Variants in RGS12 observed in about 807,000 individuals in gnomAD.
RGS12 encodes the protein regulator of G-protein signaling 12.
A neutral mutation model predicts 120.1 loss-of-function variants in RGS12; 66 were observed. That is an observed-to-expected ratio of 0.55 (90% CI 0.45 to 0.67). The LOEUF is 0.67. Ranked by LOEUF, RGS12 falls within the 30% of genes least tolerant of loss-of-function variation. RGS12 has a pLI of 0.00. For synonymous variants in RGS12, 827 were observed against 804.7 expected (o/e 1.03, Z -0.47); for missense variants, 1,859 against 1,957.7 (o/e 0.95, Z 0.95).
At chr4:3,333,139 C>T (rs1052145533) in intron 2 of RGS12, among the ~76,000 whole-genome samples, 36 of 152,090 alleles carry the variant, frequency 2.4e-4, no homozygotes, top group African/African-American at 8.2e-4. Flanking sequence ...GGCTCCGTCC[C>T]CCAGGGTTCA....
At chr4:3,362,929 A>ACTAGCAGTT (rs1715854642) in intron 3 of RGS12, among the ~76,000 whole-genome samples, 1 of 130,970 alleles carries the variant, frequency 7.6e-6, no homozygotes, top group African/African-American at 3.0e-5. Context: ...GCCATTTGGA[A>ACTAGCAGTT]CGCGAAGGGG....
Position 3,414,019 on chromosome 4 carries a change from C to G in RGS12, c.2021-53C>G, listed in dbSNP as rs962991450. On this transcript the variant is annotated intron_variant, in intron 4 of 17. Transcript: ENST00000336727. ...CTCCTGTGGGCGGGCAGAGCAGTCA[C>G]TGGGCCGGGGCGGAGGGCAGGGGTG... 6.1e-6 allele frequency: 9 copies of G among 1,476,390 alleles called. No homozygotes were observed. The East Asian group carries it at 2.2e-4, about 36-fold the overall frequency. The allele number at this position is 1,476,390 out of a possible 1,614,324, so 91.5% of individuals were successfully genotyped here.
upstream of RGS12, among the ~76,000 whole-genome samples, chr4:3,289,915 G>C (rs550656195): frequency 1.4e-4 from 21 of 152,198 alleles, no homozygotes; most frequent in Non-Finnish European, 2.5e-4. Flanking sequence ...GGCAATATTT[G>C]TCTTTCTGTG....
chr4:3,343,512 C>A (rs1035098286), intron 3 of RGS12, among the ~76,000 whole-genome samples: 1 of 151,812 alleles, frequency 6.6e-6, no homozygotes, highest in African/African-American at 2.4e-5. Context: ...TCCCTTATGC[C>A]CCCACCCACT....
At chr4:3,411,338 G>A (rs922383726) in intron 4 of RGS12, among the ~76,000 whole-genome samples, 4 of 152,188 alleles carry the variant, frequency 2.6e-5, no homozygotes, top group Admixed American at 6.5e-5. Context: ...GTGTGTTCTC[G>A]TGTTAGGCCT....
chr4:3,386,309 G>C, intron 3 of RGS12, 107 bp from the exon 4 acceptor site: 2 of 1,108,830 alleles, frequency 1.8e-6, no homozygotes, highest in Non-Finnish European at 2.8e-6. Flanking sequence ...GAGTGCCTCT[G>C]AGAACCTCCC....
intron 17 of RGS12, among the ~76,000 whole-genome samples, chr4:3,434,710 G>T (rs1030271720): frequency 1.3e-5 from 2 of 152,226 alleles, no homozygotes; most frequent in Non-Finnish European, 2.9e-5. Context: ...AATGCACAGT[G>T]CTCCTTCTGT....
chr4:3,291,347 TC>T (rs1194620390), upstream of RGS12, among the ~76,000 whole-genome samples: 2 of 115,640 alleles, frequency 1.7e-5, no homozygotes, highest in African/African-American at 4.8e-5. Flanking sequence ...CTTTCCTGGC[TC>T]TTTTTTTTTT....
chr4:3,358,997 C>T (rs1222657323), intron 3 of RGS12, among the ~76,000 whole-genome samples: 1 of 52,820 alleles, frequency 1.9e-5, no homozygotes, highest in African/African-American at 8.6e-5. Context: ...TACACCCTCC[C>T]CCTCCCCTTC....
At chr4:3,324,967 A>G (rs1483204833) in intron 2 of RGS12, among the ~76,000 whole-genome samples, 2 of 152,046 alleles carry the variant, frequency 1.3e-5, no homozygotes, top group East Asian at 3.9e-4. Flanking sequence ...TTTCTACCTG[A>G]TTGTAGGCCT....
intron 3 of RGS12, among the ~76,000 whole-genome samples, chr4:3,359,731 T>C (rs1367681626): frequency 6.6e-6 from 1 of 150,876 alleles, no homozygotes; most frequent in Non-Finnish European, 1.5e-5. Context: ...CAAGTGATCC[T>C]CCCACCTCAG....
chr4:3,406,036 C>T (rs997943563), intron 4 of RGS12, among the ~76,000 whole-genome samples: 3 of 152,174 alleles, frequency 2.0e-5, no homozygotes, highest in African/African-American at 7.2e-5. Context: ...CATTTAGCTG[C>T]ACTGATAGTG....
chr4:3,361,987 TGGGAGCC>T (rs940611457), intron 3 of RGS12, among the ~76,000 whole-genome samples: 1 of 152,174 alleles, frequency 6.6e-6, no homozygotes, highest in Non-Finnish European at 1.5e-5. Context: ...AAGTCAGTGT[TGGGAGCC>T]AGGAGCCAGC....
intron 1 of RGS12, chr4:3,312,486 A>G (rs1331785938): frequency 1.4e-5 from 3 of 219,340 alleles, no homozygotes; most frequent in Non-Finnish European, 3.0e-5. Flanking sequence ...CTCTTTACCC[A>G]CTACTGAGAA....
At chr4:3,428,418 T>C (rs1577099624) in intron 15 of RGS12, 140 bp from the exon 16 acceptor site, 3 of 815,186 alleles carry the variant, frequency 3.7e-6, no homozygotes, top group Non-Finnish European at 5.9e-6. Context: ...ATCCTTATCA[T>C]TGCAATGGTT....
In RGS12 at chr4:3,374,828, A is replaced by G. The variant is rs1717463025; in HGVS notation, c.1999-11588A>G. On this transcript the variant is annotated intron_variant, in intron 3 of 17. Coordinates refer to ENST00000336727, the MANE Select transcript of RGS12 (RefSeq NM_001394154.1). The surrounding 1 kb of genome is among the most constrained non-coding windows in gnomAD (Gnocchi z 6.3). ...CTGCCAGAGTGAGCAGCGCCATCCT[A>G]GCCGCCCCTGCTCTTTGCCCCATGG... is the stretch of plus-strand genomic sequence containing the variant. 6.6e-6 allele frequency among the ~76,000 whole-genome samples: 1 copy of G among 151,922 alleles called. No individual in the cohort carries two copies. Among genetic ancestry groups the G allele is most frequent in the Non-Finnish European group, 1.5e-5 (1 of 67,976 alleles).
intron 1 of RGS12, among the ~76,000 whole-genome samples, chr4:3,315,591 T>A (rs1724686783): frequency 1.3e-5 from 2 of 152,368 alleles, no homozygotes; most frequent in South Asian, 4.1e-4. Flanking sequence ...ACTAAGGGGT[T>A]AGACTCAGTG....
intron 12 of RGS12, among the ~76,000 whole-genome samples, 166 bp downstream of exon 12, chr4:3,423,144 C>A (rs186104265): frequency 2.0e-5 from 3 of 152,168 alleles, no homozygotes; most frequent in African/African-American, 7.2e-5. Flanking sequence ...AGGCAGCCCC[C>A]CTACAAGCCC....
chr4:3,339,528 CAG>C (rs1055484890), intron 2 of RGS12, among the ~76,000 whole-genome samples: 1 of 152,164 alleles, frequency 6.6e-6, no homozygotes, highest in Non-Finnish European at 1.5e-5. Flanking sequence ...ATCTAAATAA[CAG>C]AGAGAGGCTC....
Sources: allele counts gnomAD v4.1 joint callset (sites outside exome capture counted in the v4.1 genomes callset), GRCh38; gene constraint gnomAD v4.1.1; non-coding constraint Gnocchi (gnomAD v3.1); transcripts MANE v1.5; gene names NCBI Gene and HGNC (gene_info 2026-07-23, HGNC 2026-07-21).